Variants in MSRA observed in about 807,000 individuals in gnomAD.
MSRA encodes mitochondrial peptide methionine sulfoxide reductase.
Under a neutral mutation model 31.3 loss-of-function variants are expected in MSRA, and 54 were observed. The ratio of observed to expected loss-of-function variants is 1.73; its 90% CI spans 1.39 to 2.17. The LOEUF (loss-of-function observed/expected upper bound fraction) is 2.17, where lower values mean the gene tolerates loss of function less well. Ranked by LOEUF, MSRA falls within the 30% of genes most tolerant of loss-of-function variation. The pLI is 0.00. For synonymous variants in MSRA, 169 were observed against 116.5 expected (o/e 1.45, Z -2.90); for missense variants, 507 against 300.9 (o/e 1.69, Z -5.07).
At chr8:10,142,725 T>C (rs903931793) in intron 1 of MSRA, among the ~76,000 whole-genome samples, 2 of 152,182 alleles carry the variant, frequency 1.3e-5, no homozygotes, top group African/African-American at 4.8e-5. Flanking sequence ...ATGTAGTAGA[T>C]TTTTCCCGGA....
rs915970590 is a variant in MSRA at position 10,190,330 on chromosome 8, G to A, written c.143-17503G>A. On this transcript the variant is annotated intron_variant, in intron 1 of 5. Coordinates refer to ENST00000317173, the MANE Select transcript of MSRA (RefSeq NM_012331.5). ...CACAGGGCACCAGAGCCCCTGGGCC[G>A]CCCCTGCCTGTGCCGCTTCTGTCCG... Among the ~76,000 whole-genome samples, 11 of 152,284 alleles carry A rather than the reference G, an allele frequency of 7.2e-5. No homozygotes were observed. In the East Asian group the frequency reaches 9.7e-4, roughly 13 times the overall value.
chr8:10,346,552 C>A (rs1364788567), intron 5 of MSRA, among the ~76,000 whole-genome samples: 1 of 152,204 alleles, frequency 6.6e-6, no homozygotes, highest in African/African-American at 2.4e-5. Context: ...GGGCCAGCCA[C>A]TAGCCCTTGC....
intron 3 of MSRA, among the ~76,000 whole-genome samples, chr8:10,285,506 A>T (rs543174854): frequency 7.9e-5 from 12 of 152,280 alleles, no homozygotes; most frequent in African/African-American, 2.9e-4. Context: ...AACCTTCAAA[A>T]GCTGCTCTTC....
intron 3 of MSRA, among the ~76,000 whole-genome samples, chr8:10,287,002 T>C (rs751970980): frequency 2.6e-5 from 4 of 152,218 alleles, no homozygotes; most frequent in Non-Finnish European, 4.4e-5. Context: ...TCAAATATTC[T>C]AGCTACAGTG....
chr8:10,366,069 A>C (rs965888097), intron 5 of MSRA, among the ~76,000 whole-genome samples: 42 of 152,304 alleles, frequency 2.8e-4, no homozygotes, highest in Admixed American at 1.2e-3. Flanking sequence ...GACTGGGGAC[A>C]CCTGGGGGCC....
chr8:10,271,443 T>C (rs1048630153), intron 3 of MSRA, among the ~76,000 whole-genome samples: 2 of 26,080 alleles, frequency 7.7e-5, no homozygotes, highest in African/African-American at 1.1e-4. Flanking sequence ...GGGATGGAAA[T>C]TGACTAGGGG....
At chr8:10,364,758 G>C (rs1419658870) in intron 5 of MSRA, among the ~76,000 whole-genome samples, 1 of 152,180 alleles carries the variant, frequency 6.6e-6, no homozygotes, top group Non-Finnish European at 1.5e-5. Flanking sequence ...CAGATATCAC[G>C]TGTACTGTCT....
At chr8:10,386,569 A>G (rs1336835665) in intron 5 of MSRA, among the ~76,000 whole-genome samples, 1 of 152,208 alleles carries the variant, frequency 6.6e-6, no homozygotes, top group Non-Finnish European at 1.5e-5. Context: ...AAACTTCAGC[A>G]TGAGTTGCAA....
chr8:10,237,042 A>T (rs1563253352), intron 2 of MSRA, among the ~76,000 whole-genome samples: 2 of 152,236 alleles, frequency 1.3e-5, no homozygotes, highest in Non-Finnish European at 2.9e-5. Context: ...GATTTTATTT[A>T]TAAGGGCTCT....
chr8:10,242,038 G>A (rs576711096), intron 2 of MSRA, among the ~76,000 whole-genome samples: 1 of 152,072 alleles, frequency 6.6e-6, no homozygotes, highest in Non-Finnish European at 1.5e-5. Context: ...TTGGGAGGCG[G>A]AGGGGGGCAG....
intron 1 of MSRA, among the ~76,000 whole-genome samples, chr8:10,135,072 A>T (rs1802175422): frequency 6.6e-6 from 1 of 152,234 alleles, no homozygotes; most frequent in African/African-American, 2.4e-5. Context: ...TGTAGGAATG[A>T]TACTGGTCAA....
chr8:10,402,964 G>C (rs1318947181), intron 5 of MSRA, among the ~76,000 whole-genome samples: 1 of 152,180 alleles, frequency 6.6e-6, no homozygotes, highest in Non-Finnish European at 1.5e-5. Flanking sequence ...ATGGCCAAAG[G>C]AGTATCTGAA....
chr8:10,059,586 A>G (rs1177734163), intron 1 of MSRA, among the ~76,000 whole-genome samples: 1 of 152,218 alleles, frequency 6.6e-6, no homozygotes, highest in Non-Finnish European at 1.5e-5. Context: ...CCATGACTTG[A>G]AAATCGGAAA....
chr8:10,180,527 G>A (rs1245311665), intron 1 of MSRA, among the ~76,000 whole-genome samples: 2 of 152,078 alleles, frequency 1.3e-5, no homozygotes. Context: ...GACCTAGTTG[G>A]TTCCTCCGGG....
chr8:10,102,327 C>T (rs1451552048), intron 1 of MSRA, among the ~76,000 whole-genome samples: 8 of 152,104 alleles, frequency 5.3e-5, no homozygotes, highest in Non-Finnish European at 1.0e-4. Context: ...TTTTTTAAGT[C>T]TATTTTCTCT....
intron 3 of MSRA, among the ~76,000 whole-genome samples, chr8:10,266,251 C>T (rs1404882934): frequency 6.6e-6 from 1 of 152,206 alleles, no homozygotes; most frequent in African/African-American, 2.4e-5. Flanking sequence ...TGCTCATTAG[C>T]AGTTGGTATG....
intron 3 of MSRA, among the ~76,000 whole-genome samples, chr8:10,265,241 G>C (rs1016644977): frequency 1.3e-5 from 2 of 152,160 alleles, no homozygotes; most frequent in African/African-American, 2.4e-5. Context: ...GTGATGGGGA[G>C]AGAAGAGGGA....
At chr8:10,167,298 T>G (rs935062982) in intron 1 of MSRA, among the ~76,000 whole-genome samples, 1 of 152,192 alleles carries the variant, frequency 6.6e-6, no homozygotes, top group African/African-American at 2.4e-5. Context: ...GCTCTGTCCA[T>G]TTCTGTTGTG....
At chr8:10,265,159 C>T (rs1484126298) in intron 3 of MSRA, among the ~76,000 whole-genome samples, 1 of 152,182 alleles carries the variant, frequency 6.6e-6, no homozygotes, top group Non-Finnish European at 1.5e-5. Flanking sequence ...GAGGCCAGTC[C>T]ATATTCCAGA....
Sources: allele counts gnomAD v4.1 joint callset (sites outside exome capture counted in the v4.1 genomes callset), GRCh38; gene constraint gnomAD v4.1.1; transcripts MANE v1.5; gene names NCBI Gene and HGNC (gene_info 2026-07-23, HGNC 2026-07-21).